The following SDR16C5 variants were observed in gnomAD, a reference collection of about 807,000 sequenced individuals.
SDR16C5 encodes short chain dehydrogenase/reductase family 16C member 5.
A neutral mutation model predicts 27.7 loss-of-function variants in SDR16C5; 20 were observed. The ratio of observed to expected loss-of-function variants is 0.72; its 90% confidence interval spans 0.51 to 1.05. The LOEUF (loss-of-function observed/expected upper bound fraction) is 1.05, where lower values mean the gene tolerates loss of function less well. Among genes scored for constraint, SDR16C5 ranks in the 50% least tolerant of loss-of-function variants. SDR16C5 has a pLI of 0.00. For missense variants in SDR16C5, 374 were observed against 366.3 expected (o/e 1.02, Z -0.17); for synonymous variants, 139 against 132.3 (o/e 1.05, Z -0.35).
intron 5 of SDR16C5, among the ~76,000 whole-genome samples, chr8:56,306,089 T>TC (rs1295756054): frequency 1.3e-5 from 2 of 152,130 alleles, no homozygotes; most frequent in African/African-American, 2.4e-5. Context: ...GGTATTTGTG[T>TC]CCCCCCAAAA....
At chr8:56,309,050 T>C (rs757506769) in intron 3 of SDR16C5, 23 bp from the exon 4 acceptor site, 21 of 1,473,760 alleles carry the variant, frequency 1.4e-5, no homozygotes, top group Non-Finnish European at 5.6e-6. Context: ...AGGAAAACTT[T>C]TAATGTTTAA....
chr8:56,305,672 A>AT lies in SDR16C5; in HGVS notation c.760dup (p.Ile254AsnfsTer25). The AT allele has an allele frequency of 6.2e-7, 1 of 1,604,788 alleles. No individual in the cohort carries two copies. Among genetic ancestry groups the AT allele is most frequent in the South Asian group, 1.1e-5 (1 of 87,772 alleles). On this transcript the variant is annotated frameshift_variant, in exon 6 of 7. Transcript: ENST00000303749. LOFTEE classifies it high-confidence loss of function. ...TTTTTCTTGTAGAATAGCTTCTACT[A>AT]TTTTTTCAACTGCATATTTTGGTTC...
chr8:56,304,448 T>C (rs1225865255), intron 6 of SDR16C5, among the ~76,000 whole-genome samples: 3 of 152,068 alleles, frequency 2.0e-5, no homozygotes, highest in Admixed American at 2.0e-4. Context: ...CCACTATCCT[T>C]GTAAGTGGGT....
chr8:56,306,660 T>C lies in SDR16C5; in HGVS notation c.710+16A>G. The C allele has an allele frequency of 6.4e-7, 1 of 1,562,278 alleles. No homozygotes were observed. The highest frequency in any genetic ancestry group is 1.2e-5 in the South Asian group (1 of 82,738). On this transcript the variant is annotated intron_variant, in intron 5 of 6. Coordinates refer to ENST00000303749, the MANE Select transcript of SDR16C5 (RefSeq NM_138969.4). Reference sequence around the variant, plus strand: ...TTTAAGAGTGTAGATTCTTTGAAATTAAAGGACATACTTACCCTGTAGTAC... The same window carrying C: ...TTTAAGAGTGTAGATTCTTTGAAATCAAAGGACATACTTACCCTGTAGTAC...
rs1251642829 is a variant in SDR16C5, at chr8:56,300,132, A to T, written c.*1348T>A. ...AAATACTTAATTTGCTGCCGGGCACAGTAAATGTTAGTTATGATTGTTATA... is the reference window on the plus strand; with the variant it reads ...AAATACTTAATTTGCTGCCGGGCACTGTAAATGTTAGTTATGATTGTTATA... On this transcript the variant is annotated 3_prime_UTR_variant, in exon 7 of 7. Coordinates refer to ENST00000303749, the MANE Select transcript of SDR16C5 (RefSeq NM_138969.4). 6.6e-6 allele frequency: 1 copy of T among 152,192 alleles called. No homozygotes were observed. Among genetic ancestry groups the T allele is most frequent in the Non-Finnish European group, 1.5e-5 (1 of 68,036 alleles). 9.4% of individuals were successfully genotyped at this position (152,192 alleles called of 1,614,324 possible).
At chr8:56,312,672 T>G (rs577962874) in intron 2 of SDR16C5, among the ~76,000 whole-genome samples, 11 of 150,332 alleles carry the variant, frequency 7.3e-5, no homozygotes, top group African/African-American at 2.4e-4. Context: ...ACCACTGCAC[T>G]CCAGCCTGGG....
At chr8:56,308,726 A>T (rs1814948421) in intron 4 of SDR16C5, among the ~76,000 whole-genome samples, 1 of 152,216 alleles carries the variant, frequency 6.6e-6, no homozygotes, top group Non-Finnish European at 1.5e-5. Flanking sequence ...TAATGATTCC[A>T]AAGGGCATAG....
chr8:56,304,643 A>T (rs4404909), intron 6 of SDR16C5, among the ~76,000 whole-genome samples: 85,480 of 151,712 alleles, frequency 0.56, 24,283 homozygotes, highest in Admixed American at 0.66. Context: ...GTTTCAAGCG[A>T]TTCTCCTGCC....
intron 6 of SDR16C5, chr8:56,303,989 C>T (rs758247731): frequency 1.3e-5 from 9 of 702,916 alleles, no homozygotes; most frequent in South Asian, 3.0e-5. Flanking sequence ...ATAGTGGGAT[C>T]GTAAGCCTGA....
intron 4 of SDR16C5, among the ~76,000 whole-genome samples, chr8:56,308,564 G>A (rs1035214627): frequency 1.4e-4 from 22 of 152,198 alleles, no homozygotes; most frequent in Admixed American, 1.3e-4. Context: ...ACCACTTAAA[G>A]GAAACTTCAG....
rs779031295 is a variant in SDR16C5, at chr8:56,316,297, T to C, written c.51A>G (p.Lys17=). 3 of 1,614,048 alleles carry C rather than the reference T, an allele frequency of 1.9e-6. No individual in the cohort carries two copies. The highest frequency in any genetic ancestry group is 1.7e-6 in the Non-Finnish European group (2 of 1,179,918). The change falls in exon 2 of 7, where the codon AAA becomes AAG. Residue 17 remains lysine (K), a synonymous_variant. Transcript: ENST00000303749. ...SSKKLFIFLG[K]SLFSLLEAMI... is the part of the protein sequence containing the mutation. Reference sequence around the variant, plus strand: ...TAGCCTCCAGAAGACTAAACAGTGATTTTCCTAAGAAAATGAACAGTTTCT... The same window carrying C: ...TAGCCTCCAGAAGACTAAACAGTGACTTTCCTAAGAAAATGAACAGTTTCT...
intron 5 of SDR16C5, 107 bp from the exon 6 acceptor site, chr8:56,305,829 T>A: frequency 8.9e-7 from 1 of 1,117,780 alleles, no homozygotes; most frequent in Non-Finnish European, 1.3e-6. Flanking sequence ...TTATCACTTA[T>A]TTCTTTGCTT....
In SDR16C5 at chr8:56,316,062, T is replaced by G. The variant is rs750218007; in HGVS notation, c.286A>C (p.Thr96Pro). 7 of 1,614,166 alleles carry G rather than the reference T, an allele frequency of 4.3e-6. No individual in the cohort carries two copies. The highest frequency in any genetic ancestry group is 5.9e-6 in the Non-Finnish European group (7 of 1,180,008). The change falls in exon 2 of 7, where the codon ACC becomes CCC. Residue 96 changes from threonine to proline, a missense_variant. By Grantham distance (38) the Thr-to-Pro change is conservative. Coordinates refer to ENST00000303749, the MANE Select transcript of SDR16C5 (RefSeq NM_138969.4). ...CCTTCCTTTTGGCTGCAATCGCAGG[T>G]ATAGGCGTGCACTCTTGTGGCTCCA... ...EAGATRVHAY[T>P]CDCSQKEGVY...
In SDR16C5 at chr8:56,309,047, C is replaced by G. The variant is rs1814958256; in HGVS notation, c.466-20G>C. 1.3e-6 allele frequency: 2 copies of G among 1,525,942 alleles called. No individual in the cohort carries two copies. The highest frequency in any genetic ancestry group is 4.6e-5 in the East Asian group (2 of 43,756). 94.5% of individuals were successfully genotyped at this position (1,525,942 alleles called of 1,614,324 possible). A position where few individuals can be genotyped will look rare whatever the true frequency, so the allele number is the denominator to read the frequency against. ...ATAAGTCTAAGAATACAAAGGAAAACTTTTAATGTTTAATGCCACATTGTA... is the reference window on the plus strand; with the variant it reads ...ATAAGTCTAAGAATACAAAGGAAAAGTTTTAATGTTTAATGCCACATTGTA... On this transcript the variant is annotated intron_variant, in intron 3 of 6. Coordinates refer to ENST00000303749, the MANE Select transcript of SDR16C5 (RefSeq NM_138969.4).
chr8:56,312,351 TC>T, intron 2 of SDR16C5, 63 bp from the exon 3 acceptor site: 1 of 1,448,536 alleles, frequency 6.9e-7, no homozygotes, highest in Non-Finnish European at 9.7e-7. Context: ...GGTTTTATTT[TC>T]CCAGAGTTTT....
chr8:56,316,713 G>A (rs1002538180), intron 1 of SDR16C5, among the ~76,000 whole-genome samples: 2 of 152,164 alleles, frequency 1.3e-5, no homozygotes, highest in Middle Eastern at 3.2e-3. Context: ...TAATAATAAT[G>A]AATCCTGTTG....
chr8:56,313,326 A>G (rs550010676), intron 2 of SDR16C5, among the ~76,000 whole-genome samples: 1 of 152,372 alleles, frequency 6.6e-6, no homozygotes, highest in Non-Finnish European at 1.5e-5. Flanking sequence ...GGGAATAAAT[A>G]GAGGAAAAGA....
rs1230940297 is a variant in SDR16C5 at position 56,318,029 on chromosome 8, G to A, written c.-14-1668C>T. Reference sequence around the variant, plus strand: ...GTGTGCTATGGAGAGGATGATCGGAGAGCTGATTCAGATTGGGCTTGGGAG... The same window carrying A: ...GTGTGCTATGGAGAGGATGATCGGAAAGCTGATTCAGATTGGGCTTGGGAG... On this transcript the variant is annotated intron_variant, in intron 1 of 6. Coordinates refer to ENST00000303749, the MANE Select transcript of SDR16C5 (RefSeq NM_138969.4). Among the ~76,000 whole-genome samples the A allele has an allele frequency of 2.6e-5, 4 of 152,194 alleles. No individual in the cohort carries two copies. In the East Asian group the frequency reaches 7.7e-4, roughly 29 times the overall value.
chr8:56,311,942 G>A (rs1267033000), intron 3 of SDR16C5, among the ~76,000 whole-genome samples: 2 of 152,176 alleles, frequency 1.3e-5, no homozygotes, highest in African/African-American at 4.8e-5. Flanking sequence ...GGACCATGAG[G>A]ACAGTTCTGT....
Sources: gnomAD v4.1 joint callset for allele counts (sites outside exome capture counted in the v4.1 genomes callset) on GRCh38, gnomAD v4.1.1 for gene constraint, MANE v1.5 for transcripts, NCBI Gene and HGNC (gene_info 2026-07-23, HGNC 2026-07-21) for gene names.